GPC4: variants seen among roughly 807,000 people sequenced by gnomAD.
GPC4 encodes glypican-4.
In GPC4, 10 loss-of-function variants were observed where a neutral mutation model predicts 35.0. The ratio of observed to expected loss-of-function variants is 0.29; its 90% CI spans 0.18 to 0.48. GPC4 has a LOEUF of 0.48. Ranked by LOEUF, GPC4 falls within the 20% of genes least tolerant of loss-of-function variation. The probability of loss-of-function intolerance (pLI) is 0.99; values close to 1 mark genes in which losing one functional copy is unlikely to be tolerated. For missense variants in GPC4, 322 were observed against 451.3 expected (o/e 0.71, Z 2.60); for synonymous variants, 167 against 170.2 (o/e 0.98, Z 0.15).
intron 3 of GPC4, among the ~76,000 whole-genome samples, chrX:133,322,508 G>A (rs112777954): frequency 6.7e-5 from 7 of 105,006 alleles, no homozygotes; most frequent in African/African-American, 1.8e-4. Context: ...TGCAGTGAGC[G>A]GAGATCTCGC....
rs773631858 is a variant in GPC4, at chrX:133,391,582, G to A, written c.160+23224C>T. 3.6e-5 allele frequency among the ~76,000 whole-genome samples: 4 copies of A among 112,286 alleles called. No homozygotes were observed. In the South Asian group the frequency reaches 1.5e-3, roughly 42 times the overall value. ...ATTAACAGGCTTTAATCTGTTAAAT[G>A]TACTGCAGTCAACAATACCCAAAAA... On this transcript the variant is annotated intron_variant, in intron 1 of 8. Transcript: ENST00000370828.
chrX:133,393,172 T>C lies in GPC4; in HGVS notation c.160+21634A>G, dbSNP rs147625961. Reference sequence around the variant, plus strand: ...CTCCTCCTTTTAGAAACAATGACACTGCTTTCTAGGAAGTTCTGTTCAGAT... The same window carrying C: ...CTCCTCCTTTTAGAAACAATGACACCGCTTTCTAGGAAGTTCTGTTCAGAT... On this transcript the variant is annotated intron_variant, in intron 1 of 8. Transcript: ENST00000370828. Among the ~76,000 whole-genome samples the C allele has an allele frequency of 5.9e-3, 663 of 112,286 alleles. 7 individuals carry two copies. Among genetic ancestry groups the C allele is most frequent in the African/African-American group, 0.02 (627 of 30,946 alleles).
At chrX:133,362,178 C>A (rs1857599562) in intron 1 of GPC4, among the ~76,000 whole-genome samples, 1 of 106,909 alleles carries the variant, frequency 9.4e-6, no homozygotes, top group Admixed American at 1.0e-4. Context: ...TGAGCCACTG[C>A]ACTCCAGCCT....
chrX:133,359,457 A>G (rs1356680994), intron 1 of GPC4, among the ~76,000 whole-genome samples: 1 of 111,637 alleles, frequency 9.0e-6, no homozygotes, highest in Non-Finnish European at 1.9e-5. Context: ...GAGAAGGAAT[A>G]GAGAAAATCC....
intron 1 of GPC4, among the ~76,000 whole-genome samples, chrX:133,410,665 A>T (rs933946754): frequency 8.9e-6 from 1 of 112,412 alleles, no homozygotes; most frequent in Non-Finnish European, 1.9e-5. Context: ...TTCCTTTTTC[A>T]TTCCTCAGTC....
intron 1 of GPC4, among the ~76,000 whole-genome samples, chrX:133,398,771 G>GA (rs902350182): frequency 0.015 from 1,204 of 79,163 alleles, 19 homozygotes; most frequent in African/African-American, 0.038. Flanking sequence ...CTGTCTCAGA[G>GA]AAAAAAAAAA....
chrX:133,413,211 T>C (rs2068820339), intron 1 of GPC4, among the ~76,000 whole-genome samples: 1 of 111,609 alleles, frequency 9.0e-6, no homozygotes, highest in South Asian at 3.8e-4. Flanking sequence ...TCGTGCCGCT[T>C]TGAGGACATA....
At chrX:133,311,579 G>C in intron 3 of GPC4, 156 bp from the exon 4 acceptor site, 1 of 532,861 alleles carries the variant, frequency 1.9e-6, no homozygotes, top group Non-Finnish European at 3.2e-6. Context: ...TGAAGACATA[G>C]ATTAGATAAA....
intron 3 of GPC4, among the ~76,000 whole-genome samples, chrX:133,319,027 C>A (rs1346237500): frequency 1.8e-5 from 2 of 112,261 alleles, no homozygotes; most frequent in African/African-American, 6.5e-5. Flanking sequence ...CAAATCATTG[C>A]TCAACTTTTA....
intron 1 of GPC4, among the ~76,000 whole-genome samples, chrX:133,342,872 G>A (rs143221426): frequency 0.01 from 1,154 of 111,350 alleles, 11 homozygotes; most frequent in African/African-American, 0.035. Context: ...TTGAAGGCTA[G>A]GGCGTGCATA....
chrX:133,342,775 TAAA>T (rs1157036625), intron 1 of GPC4, among the ~76,000 whole-genome samples: 1 of 110,866 alleles, frequency 9.0e-6, no homozygotes, highest in Non-Finnish European at 1.9e-5. Flanking sequence ...CATGTTCTGG[TAAA>T]AAATCTTTGA....
intron 3 of GPC4, among the ~76,000 whole-genome samples, chrX:133,321,645 C>A (rs1049140791): frequency 1.8e-5 from 2 of 112,031 alleles, no homozygotes; most frequent in African/African-American, 6.5e-5. Flanking sequence ...TGAAGGAGGG[C>A]AAATGTGCTG....
At chrX:133,329,014 T>G (rs1370975805) in intron 2 of GPC4, among the ~76,000 whole-genome samples, 1 of 111,828 alleles carries the variant, frequency 8.9e-6, no homozygotes, top group Non-Finnish European at 1.9e-5. Context: ...GTATATACAT[T>G]CTAAAGATAA....
chrX:133,339,939 C>T (rs924146751), intron 1 of GPC4, among the ~76,000 whole-genome samples: 2 of 111,680 alleles, frequency 1.8e-5, no homozygotes, highest in African/African-American at 6.5e-5. Context: ...ATCCTCAATC[C>T]TTGAGTTTAA....
Position 133,324,160 on chromosome X carries a change from C to T in GPC4, c.696G>A (p.Val232=), listed in dbSNP as rs764928633. The change falls in exon 3 of 9, where the codon GTG becomes GTA. Residue 232 remains valine (V), a synonymous_variant. Coordinates refer to ENST00000370828, the MANE Select transcript of GPC4 (RefSeq NM_001448.3). The part of the protein sequence containing the change: ...AQGLAVAGDV[V]SKVSVVNPTA... ...GAGTACTTACCACGGAGACCTTGCT[C>T]ACGACATCTCCCGCAACCGCTAAGC... 1 of 1,202,884 alleles carries T rather than the reference C, an allele frequency of 8.3e-7. No individual in the cohort carries two copies.
intron 1 of GPC4, among the ~76,000 whole-genome samples, chrX:133,391,767 T>C (rs1001220869): frequency 1.8e-5 from 2 of 111,571 alleles, no homozygotes; most frequent in Non-Finnish European, 3.8e-5. Context: ...GCTGACGTTA[T>C]TGCAGAGTCA....
At chrX:133,411,614 G>A (rs1349104507) in intron 1 of GPC4, among the ~76,000 whole-genome samples, 1 of 110,974 alleles carries the variant, frequency 9.0e-6, no homozygotes, top group African/African-American at 3.3e-5. Flanking sequence ...CTAATTTTGT[G>A]TGTGCGTGGC....
intron 1 of GPC4, among the ~76,000 whole-genome samples, chrX:133,381,882 T>A (rs2068662052): frequency 8.9e-6 from 1 of 112,091 alleles, no homozygotes; most frequent in Admixed American, 9.5e-5. Context: ...GCAAGGTTTG[T>A]GCATTCAGTG....
At chrX:133,342,970 C>G (rs972172694) in intron 1 of GPC4, among the ~76,000 whole-genome samples, 1 of 111,498 alleles carries the variant, frequency 9.0e-6, no homozygotes, top group Non-Finnish European at 1.9e-5. Context: ...CTGGAGATTT[C>G]CTTTCTAAGC....
Sources: gnomAD v4.1 joint callset for allele counts (sites outside exome capture counted in the v4.1 genomes callset) on GRCh38, gnomAD v4.1.1 for gene constraint, MANE v1.5 for transcripts, NCBI Gene and HGNC (gene_info 2026-07-23, HGNC 2026-07-21) for gene names.